KIF1B: variants seen among roughly 807,000 people sequenced by gnomAD.
KIF1B encodes kinesin-like protein KIF1B.
Under a neutral mutation model 241.9 loss-of-function variants are expected in KIF1B, and 76 were observed. The ratio of observed to expected loss-of-function variants is 0.31; its 90% confidence interval spans 0.26 to 0.38. The LOEUF (loss-of-function observed/expected upper bound fraction) is 0.38, where lower values mean the gene tolerates loss of function less well. Among genes scored for constraint, KIF1B ranks in the 10% least tolerant of loss-of-function variants. The pLI is 1.00. For missense variants in KIF1B, 1,622 were observed against 2,271.4 expected (o/e 0.71, Z 5.81); for synonymous variants, 750 against 796.7 (o/e 0.94, Z 0.99).
At chr1:10,367,789 T>A (rs1019775946) in intron 43 of KIF1B, among the ~76,000 whole-genome samples, 15 of 151,810 alleles carry the variant, frequency 9.9e-5, no homozygotes, top group Non-Finnish European at 1.0e-4. Context: ...AGTGCAGTGG[T>A]ATGATCTCAG....
chr1:10,368,865 T>G (rs904649155), intron 44 of KIF1B, among the ~76,000 whole-genome samples: 1 of 152,182 alleles, frequency 6.6e-6, no homozygotes, highest in Non-Finnish European at 1.5e-5. Flanking sequence ...AAGGAAACCC[T>G]GAGGTTCCTG....
chr1:10,265,938 A>T (rs1648435190), intron 5 of KIF1B, among the ~76,000 whole-genome samples: 1 of 152,232 alleles, frequency 6.6e-6, no homozygotes, highest in South Asian at 2.1e-4. Context: ...TTAAGATTCC[A>T]TTCCAGATAC....
intron 27 of KIF1B, among the ~76,000 whole-genome samples, chr1:10,329,710 G>A (rs1282267923): frequency 1.3e-5 from 2 of 151,766 alleles, no homozygotes; most frequent in Non-Finnish European, 1.5e-5. Context: ...TTCAGCCTGG[G>A]CAACAGAGCA....
chr1:10,283,165 C>T (rs1036772129), intron 15 of KIF1B, among the ~76,000 whole-genome samples: 1 of 139,892 alleles, frequency 7.1e-6, no homozygotes. Flanking sequence ...CGAGATCGTG[C>T]CACTGCATTC....
chr1:10,334,971 C>T (rs1161700700), intron 28 of KIF1B, among the ~76,000 whole-genome samples: 1 of 150,536 alleles, frequency 6.6e-6, no homozygotes, highest in Non-Finnish European at 1.5e-5. Flanking sequence ...CAGGGTCTCA[C>T]TTTGTCGTCC....
intron 31 of KIF1B, among the ~76,000 whole-genome samples, chr1:10,338,249 TG>T (rs1476766460): frequency 3.3e-5 from 5 of 152,170 alleles, no homozygotes; most frequent in Non-Finnish European, 7.4e-5. Context: ...GAGGCTGCTT[TG>T]GGTTCTGCCA....
chr1:10,372,659 CAG>C (rs1491534224), intron 45 of KIF1B, among the ~76,000 whole-genome samples: 36 of 120,076 alleles, frequency 3.0e-4, no homozygotes, highest in South Asian at 9.5e-4. Flanking sequence ...GCTTGGGTGA[CAG>C]AGCTGTCACC....
rs537222821 is a variant in KIF1B at position 10,329,217 on chromosome 1, A to C, written c.2924+2858A>C. 2.0e-5 allele frequency among the ~76,000 whole-genome samples: 3 copies of C among 152,316 alleles called. No individual in the cohort carries two copies. The South Asian group carries it at 6.2e-4, about 32-fold the overall frequency. On this transcript the variant is annotated intron_variant, in intron 27 of 48. Coordinates refer to ENST00000676179, the MANE Select transcript of KIF1B (RefSeq NM_001365951.3). ...CTTGCAAGAAAGGACTGGGGGAGGAAGTGAAATAATATAATAGCAATCAGT... is the reference window on the plus strand; with the variant it reads ...CTTGCAAGAAAGGACTGGGGGAGGACGTGAAATAATATAATAGCAATCAGT...
At chr1:10,219,443 A>G (rs1000890719) in intron 1 of KIF1B, among the ~76,000 whole-genome samples, 1 of 150,644 alleles carries the variant, frequency 6.6e-6, no homozygotes, top group Non-Finnish European at 1.5e-5. Context: ...TTGGGCAACA[A>G]GAGCAAAACT....
chr1:10,223,278 A>T (rs911234083), intron 1 of KIF1B, among the ~76,000 whole-genome samples: 1 of 152,126 alleles, frequency 6.6e-6, no homozygotes, highest in Non-Finnish European at 1.5e-5. Flanking sequence ...ACAAAACAAC[A>T]AAACAAAAAG....
Position 10,378,109 on chromosome 1 carries a change from C to A in KIF1B, c.*1522C>A. On this transcript the variant is annotated 3_prime_UTR_variant, in exon 49 of 49. Transcript: ENST00000676179. ...TGCTTTCAGTGATGCTCTCTATACT[C>A]ATAAATAAGCAAATGTGGCAGGCTT... 1.7e-6 allele frequency: 1 copy of A among 576,098 alleles called. No individual in the cohort carries two copies. Among genetic ancestry groups the A allele is most frequent in the Non-Finnish European group, 3.1e-6 (1 of 323,156 alleles). The allele number at this position is 576,098 out of a possible 1,614,324, so 35.7% of individuals were successfully genotyped here.
intron 2 of KIF1B, among the ~76,000 whole-genome samples, chr1:10,240,109 G>A (rs1046214386): frequency 6.6e-5 from 10 of 151,692 alleles, no homozygotes; most frequent in Non-Finnish European, 1.3e-4. Context: ...TCCCCGTATT[G>A]GCCAGGCTGG....
At chr1:10,319,498 CT>C (rs1157735518) in intron 22 of KIF1B, among the ~76,000 whole-genome samples, 2 of 152,228 alleles carry the variant, frequency 1.3e-5, no homozygotes, top group East Asian at 3.9e-4. Flanking sequence ...GCACTATGAG[CT>C]TTTGGTTACC....
Position 10,271,493 on chromosome 1 carries a change from C to G in KIF1B, c.721-9C>G. The stretch of plus-strand genomic sequence containing the variant: ...TTTGAATTGCCCCCATGTTATTGTT[C>G]TTTATCAGGTCAGTAAAATCAGCTT... On this transcript the variant is annotated splice_polypyrimidine_tract_variant and intron_variant, in intron 7 of 48. Coordinates refer to ENST00000676179, the MANE Select transcript of KIF1B (RefSeq NM_001365951.3). The G allele has an allele frequency of 6.2e-7, 1 of 1,606,384 alleles. No individual in the cohort carries two copies. Among genetic ancestry groups the G allele is most frequent in the South Asian group, 1.1e-5 (1 of 90,936 alleles).
chr1:10,353,872 A>G (rs985466792), intron 38 of KIF1B, among the ~76,000 whole-genome samples: 1 of 152,278 alleles, frequency 6.6e-6, no homozygotes, highest in Middle Eastern at 3.4e-3. Context: ...ATCACGAGCA[A>G]TACTATTTCC....
chr1:10,257,945 G>A (rs947704155), intron 3 of KIF1B, among the ~76,000 whole-genome samples: 4 of 152,152 alleles, frequency 2.6e-5, no homozygotes, highest in African/African-American at 7.2e-5. Flanking sequence ...CCAGAGTGAT[G>A]GGATTATAGG....
chr1:10,352,525 A>G, intron 37 of KIF1B, 106 bp from the exon 38 acceptor site: 1 of 959,904 alleles, frequency 1.0e-6, no homozygotes, highest in Non-Finnish European at 1.7e-6. Flanking sequence ...TGACCCTTCC[A>G]GCTCCTGAAC....
At chr1:10,306,086 A>G in intron 22 of KIF1B, 1 of 1,043,036 alleles carries the variant, frequency 9.6e-7, no homozygotes, top group Middle Eastern at 4.4e-4. Context: ...ATTATTTTTA[A>G]TCATAGTATT....
intron 7 of KIF1B, among the ~76,000 whole-genome samples, chr1:10,268,970 G>C (rs1049622202): frequency 1.3e-5 from 2 of 152,134 alleles, no homozygotes; most frequent in African/African-American, 4.8e-5. Context: ...GTCTGGCACA[G>C]AGTAGCCACT....
Sources: gnomAD v4.1 joint callset for allele counts (sites outside exome capture counted in the v4.1 genomes callset) on GRCh38, gnomAD v4.1.1 for gene constraint, MANE v1.5 for transcripts, NCBI Gene and HGNC (gene_info 2026-07-23, HGNC 2026-07-21) for gene names.